Variants in MCTP1 observed in about 807,000 individuals in gnomAD.
The protein encoded by MCTP1 is multiple C2 and transmembrane domain-containing protein 1.
In MCTP1, 69 loss-of-function variants were observed where a neutral mutation model predicts 120.6. The observed-to-expected ratio is 0.57, with a 90% CI of 0.47 to 0.70. The LOEUF is 0.70. Ranked by LOEUF, MCTP1 falls within the 30% of genes least tolerant of loss-of-function variation. The pLI, the probability that MCTP1 is intolerant of heterozygous loss-of-function variation, is 0.00. For synonymous variants in MCTP1, 529 were observed against 493.1 expected, an observed-to-expected ratio of 1.07 and a Z score of -0.96; for missense variants, 1,203 against 1,248.8, an observed-to-expected ratio of 0.96 and a Z score of 0.55.
At chr5:95,026,328 T>G (rs1406920683) in intron 1 of MCTP1, among the ~76,000 whole-genome samples, 1 of 152,118 alleles carries the variant, frequency 6.6e-6, no homozygotes. Context: ...TACTTTAAAA[T>G]GTACAATTAA....
intron 1 of MCTP1, among the ~76,000 whole-genome samples, chr5:95,222,238 C>A (rs891542686): frequency 6.6e-6 from 1 of 152,166 alleles, no homozygotes; most frequent in Non-Finnish European, 1.5e-5. Flanking sequence ...ACACTGCAGT[C>A]CATTGGCTAG....
chr5:95,075,129 A>G lies in MCTP1; in HGVS notation c.721-57645T>C, dbSNP rs186574288. 1.1e-3 allele frequency among the ~76,000 whole-genome samples: 161 copies of G among 152,382 alleles called. 1 individual carries two copies. The highest frequency in any genetic ancestry group is 3.5e-3 in the African/African-American group (146 of 41,592). The stretch of plus-strand genomic sequence containing the variant: ...CACTATTCAGGTAAAGAAAGAGATC[A>G]TGGACATTTTACAGCTGGTACAACA... On this transcript the variant is annotated intron_variant, in intron 1 of 22. Transcript: ENST00000515393.
intron 3 of MCTP1, among the ~76,000 whole-genome samples, chr5:94,947,786 A>AT (rs70978144): frequency 3.0e-3 from 423 of 138,970 alleles, no homozygotes; most frequent in South Asian, 0.011. Context: ...TGGCTTTAAA[A>AT]TTTTTTTTTT....
chr5:95,258,422 C>T (rs1029800189), intron 1 of MCTP1, among the ~76,000 whole-genome samples: 25 of 152,130 alleles, frequency 1.6e-4, no homozygotes, highest in African/African-American at 6.0e-4. Flanking sequence ...CTATCAAGGT[C>T]ATCAAAAACA....
At chr5:94,825,683 T>G (rs1325151555) in intron 17 of MCTP1, among the ~76,000 whole-genome samples, 1 of 152,094 alleles carries the variant, frequency 6.6e-6, no homozygotes, top group African/African-American at 2.4e-5. Context: ...CTAAGTCTCT[T>G]TGTAGGTCTC....
At chr5:94,800,159 T>G (rs914085507) in intron 17 of MCTP1, among the ~76,000 whole-genome samples, 1 of 152,232 alleles carries the variant, frequency 6.6e-6, no homozygotes, top group African/African-American at 2.4e-5. Flanking sequence ...AACACAATGC[T>G]TGGTGTGCAG....
At chr5:94,962,203 A>G (rs1324199095) in intron 2 of MCTP1, among the ~76,000 whole-genome samples, 1 of 152,146 alleles carries the variant, frequency 6.6e-6, no homozygotes, top group African/African-American at 2.4e-5. Context: ...GTGGGAGTAT[A>G]AACTAGTACA....
At chr5:94,989,776 A>G (rs369578281) in intron 2 of MCTP1, among the ~76,000 whole-genome samples, 13 of 152,270 alleles carry the variant, frequency 8.5e-5, no homozygotes, top group African/African-American at 2.9e-4. Context: ...ATTGAGATCA[A>G]TCACCAATGG....
intron 6 of MCTP1, among the ~76,000 whole-genome samples, chr5:94,930,267 A>ATTTTTTTTT (rs869306266): frequency 3.0e-5 from 3 of 100,928 alleles, no homozygotes; most frequent in Non-Finnish European, 5.6e-5. Context: ...TTAAAGAAGA[A>ATTTTTTTTT]TTTTTTTTTT....
chr5:95,013,884 T>C (rs1394772157), intron 2 of MCTP1, among the ~76,000 whole-genome samples: 1 of 152,112 alleles, frequency 6.6e-6, no homozygotes, highest in Admixed American at 6.6e-5. Flanking sequence ...AGGCTATAGC[T>C]GCTATATGTA....
At chr5:94,969,476 C>T (rs1243382307) in intron 2 of MCTP1, among the ~76,000 whole-genome samples, 1 of 152,082 alleles carries the variant, frequency 6.6e-6, no homozygotes, top group African/African-American at 2.4e-5. Context: ...TCATTCCAAA[C>T]CTAGCACTTA....
intron 2 of MCTP1, among the ~76,000 whole-genome samples, chr5:94,988,236 G>C (rs143179235): frequency 6.6e-6 from 1 of 152,000 alleles, no homozygotes; most frequent in Admixed American, 6.6e-5. Flanking sequence ...AAAGCACTTA[G>C]GGTTTATATT....
At chr5:95,199,885 G>A (rs985112374) in intron 1 of MCTP1, among the ~76,000 whole-genome samples, 4 of 149,302 alleles carry the variant, frequency 2.7e-5, no homozygotes, top group Admixed American at 6.7e-5. Context: ...AAAAGGCCAG[G>A]CACAGTGGCT....
intron 1 of MCTP1, among the ~76,000 whole-genome samples, chr5:95,070,156 C>A (rs1190720255): frequency 6.6e-6 from 1 of 152,226 alleles, no homozygotes; most frequent in East Asian, 1.9e-4. Context: ...AGGTTCTCTC[C>A]TTACCCATCT....
chr5:95,028,211 T>A (rs1021969740), intron 1 of MCTP1, among the ~76,000 whole-genome samples: 1 of 152,204 alleles, frequency 6.6e-6, no homozygotes, highest in African/African-American at 2.4e-5. Flanking sequence ...CTATTAATAA[T>A]GATACGGTAG....
At chr5:95,132,287 C>A (rs1485933798) in intron 1 of MCTP1, among the ~76,000 whole-genome samples, 1 of 152,216 alleles carries the variant, frequency 6.6e-6, no homozygotes, top group African/African-American at 2.4e-5. Context: ...CCAGCACTTG[C>A]TGATTTAATT....
intron 1 of MCTP1, among the ~76,000 whole-genome samples, chr5:95,123,377 G>C (rs993634712): frequency 1.2e-4 from 19 of 152,086 alleles, no homozygotes; most frequent in Admixed American, 4.6e-4. Context: ...CAGTAAACAA[G>C]ATTTATGAGC....
At chr5:95,106,381 G>A (rs926447335) in intron 1 of MCTP1, among the ~76,000 whole-genome samples, 1 of 152,198 alleles carries the variant, frequency 6.6e-6, no homozygotes, top group Non-Finnish European at 1.5e-5. Flanking sequence ...GCTGGCACAT[G>A]CAGGGAGCCC....
Position 94,953,235 on chromosome 5 carries a change from T to C in MCTP1, c.965A>G (p.Glu322Gly). ...KACILVDHLR[E>G]PLYIKVFDYD... ...ATGGCTCACCTTTATATACAATGGCTCCCTAAGATGATCAACCAGAATACA... is the reference window on the plus strand; with the variant it reads ...ATGGCTCACCTTTATATACAATGGCCCCCTAAGATGATCAACCAGAATACA... The change falls in exon 3 of 23, where the codon GAG becomes GGG. Residue 322 changes from glutamate to glycine, a missense_variant. Physicochemically the swap from Glu to Gly is moderately conservative, Grantham distance 98. Coordinates refer to ENST00000515393, the MANE Select transcript of MCTP1 (RefSeq NM_024717.7). 1 of 1,611,310 alleles carries C rather than the reference T, an allele frequency of 6.2e-7. No homozygotes were observed. Among genetic ancestry groups the C allele is most frequent in the Non-Finnish European group, 8.5e-7 (1 of 1,178,894 alleles).
Sources: allele counts gnomAD v4.1 joint callset (sites outside exome capture counted in the v4.1 genomes callset), GRCh38; gene constraint gnomAD v4.1.1; transcripts MANE v1.5; gene names NCBI Gene and HGNC (gene_info 2026-07-23, HGNC 2026-07-21).